RCOR1: variants seen among roughly 807,000 people sequenced by gnomAD.
RCOR1 encodes REST corepressor.
RCOR1 carries 12 observed loss-of-function variants against 64.0 expected under a neutral mutation model. The ratio of observed to expected loss-of-function variants is 0.19; its 90% CI spans 0.12 to 0.30. The LOEUF (loss-of-function observed/expected upper bound fraction) is 0.30, where lower values mean the gene tolerates loss of function less well. Ranked by LOEUF, RCOR1 falls within the 10% of genes least tolerant of loss-of-function variation. The probability of loss-of-function intolerance (pLI) is 1.00; values close to 1 mark genes in which losing one functional copy is unlikely to be tolerated. For synonymous variants in RCOR1, 279 were observed against 227.2 expected (o/e 1.23, Z -2.05); for missense variants, 502 against 621.2 (o/e 0.81, Z 2.04).
At chr14:102,717,086 T>C (rs181410210) in intron 8 of RCOR1, among the ~76,000 whole-genome samples, 158 of 152,354 alleles carry the variant, frequency 1.0e-3, no homozygotes, top group Middle Eastern at 6.8e-3. Flanking sequence ...GTAAAGGATA[T>C]TGTTTTTTAA....
intron 2 of RCOR1, among the ~76,000 whole-genome samples, chr14:102,680,182 T>A (rs1048191888): frequency 3.3e-5 from 5 of 152,212 alleles, no homozygotes; most frequent in Middle Eastern, 3.4e-3. Context: ...ATTTTTTTTT[T>A]ATTGCTGGTA....
chr14:102,656,584 C>A lies in RCOR1; in HGVS notation c.362-25311C>A, dbSNP rs758511431. Among the ~76,000 whole-genome samples the A allele has an allele frequency of 5.3e-5, 8 of 151,992 alleles. No homozygotes were observed. The East Asian group carries it at 1.5e-3, about 29-fold the overall frequency. On this transcript the variant is annotated intron_variant, in intron 2 of 11. Transcript: ENST00000262241. ...CTGGGTTCAAGCAATTCTCCTGTTC[C>A]AGCCTCCTAGGTAACTGGGACTGCA...
intron 2 of RCOR1, among the ~76,000 whole-genome samples, chr14:102,601,688 C>T (rs1368596863): frequency 2.7e-4 from 41 of 152,134 alleles, no homozygotes; most frequent in Admixed American, 2.6e-3. Flanking sequence ...CAGGAATGGT[C>T]CTTCTTTGTG....
intron 3 of RCOR1, among the ~76,000 whole-genome samples, chr14:102,683,911 C>T (rs1009146435): frequency 6.6e-6 from 1 of 152,216 alleles, no homozygotes; most frequent in Non-Finnish European, 1.5e-5. Context: ...CACCCTCCTG[C>T]TGTGGAGCAG....
At chr14:102,614,760 T>C (rs1330236198) in intron 2 of RCOR1, among the ~76,000 whole-genome samples, 2 of 152,106 alleles carry the variant, frequency 1.3e-5, no homozygotes, top group African/African-American at 4.8e-5. Context: ...TTATCCAGTT[T>C]GGTGTATAAA....
At chr14:102,677,936 C>T (rs1277683239) in intron 2 of RCOR1, among the ~76,000 whole-genome samples, 10 of 151,608 alleles carry the variant, frequency 6.6e-5, no homozygotes, top group South Asian at 4.3e-4. Flanking sequence ...AACGAGACTC[C>T]GTCTGCAATC....
In RCOR1 at chr14:102,708,581, G is replaced by A. The variant is rs769041099; in HGVS notation, c.777G>A (p.Glu259=). 6.3e-7 allele frequency: 1 copy of A among 1,575,972 alleles called. No individual in the cohort carries two copies. Among genetic ancestry groups the A allele is most frequent in the Non-Finnish European group, 8.7e-7 (1 of 1,145,400 alleles). The change falls in exon 6 of 12, where the codon GAG becomes GAA. Residue 259 remains glutamate, a splice_region_variant and synonymous_variant. Transcript: ENST00000262241. ...GGAAACAAAAACGGGAGCGGGAGGAGAGGTGAGCACATGGCTGGGGTGTTG... is the reference window on the plus strand; with the variant it reads ...GGAAACAAAAACGGGAGCGGGAGGAAAGGTGAGCACATGGCTGGGGTGTTG... ...HARKQKRERE[E]SEDELEEANG...
intron 2 of RCOR1, among the ~76,000 whole-genome samples, chr14:102,626,326 C>G (rs1314308457): frequency 6.6e-6 from 1 of 152,136 alleles, no homozygotes; most frequent in Non-Finnish European, 1.5e-5. Flanking sequence ...TAATACTTTA[C>G]TTGAAGTTAG....
At chr14:102,634,768 C>T (rs1455677334) in intron 2 of RCOR1, among the ~76,000 whole-genome samples, 1 of 151,712 alleles carries the variant, frequency 6.6e-6, no homozygotes, top group Admixed American at 6.6e-5. Flanking sequence ...GCGATCTCGA[C>T]TCACGACAAC....
At chr14:102,714,914 A>C (rs1281931795) in intron 8 of RCOR1, among the ~76,000 whole-genome samples, 1 of 152,128 alleles carries the variant, frequency 6.6e-6, no homozygotes, top group Non-Finnish European at 1.5e-5. Flanking sequence ...CAATATGAAC[A>C]TACCCTAGTA....
chr14:102,681,482 ATAGT>A (rs199709845), intron 2 of RCOR1, among the ~76,000 whole-genome samples: 4,072 of 152,352 alleles, frequency 0.027, 72 homozygotes, highest in Non-Finnish European at 0.042. Flanking sequence ...AACTTTTTAA[ATAGT>A]TATTCTTTAA....
In RCOR1 at chr14:102,675,862, A is replaced by C. The variant is rs117761788; in HGVS notation, c.362-6033A>C. 6.0e-4 allele frequency among the ~76,000 whole-genome samples: 92 copies of C among 152,212 alleles called. No individual in the cohort carries two copies. In the East Asian group the frequency reaches 0.012, roughly 20 times the overall value. On this transcript the variant is annotated intron_variant, in intron 2 of 11. Transcript: ENST00000262241. ...TTTGCCTTTTTCAGAGTGTCGTATG[A>C]ATGAACTTGTACTGGCTTCTTTCAC...
intron 6 of RCOR1, among the ~76,000 whole-genome samples, chr14:102,709,481 C>T (rs750804571): frequency 1.3e-5 from 2 of 152,056 alleles, no homozygotes; most frequent in Admixed American, 6.6e-5. Context: ...ATATGGTCCC[C>T]GGTGTCCCAT....
intron 2 of RCOR1, among the ~76,000 whole-genome samples, chr14:102,613,671 C>T (rs1159535460): frequency 2.6e-5 from 4 of 151,130 alleles, no homozygotes; most frequent in African/African-American, 4.9e-5. Flanking sequence ...CCGCCCGCCT[C>T]GGCCTCCCAA....
intron 2 of RCOR1, among the ~76,000 whole-genome samples, chr14:102,600,865 C>T (rs925375101): frequency 6.6e-5 from 10 of 150,892 alleles, no homozygotes; most frequent in South Asian, 2.1e-4. Flanking sequence ...CCACCGCGCC[C>T]GGCTGCTAAT....
chr14:102,673,876 A>C (rs888063547), intron 2 of RCOR1, among the ~76,000 whole-genome samples: 1 of 152,198 alleles, frequency 6.6e-6, no homozygotes, highest in African/African-American at 2.4e-5. Context: ...CCGCCTCGCC[A>C]AGTGCTGGGA....
At chr14:102,599,905 G>A (rs1422978950) in intron 2 of RCOR1, among the ~76,000 whole-genome samples, 3 of 150,670 alleles carry the variant, frequency 2.0e-5, no homozygotes, top group Non-Finnish European at 4.4e-5. Context: ...CCAGACTCAA[G>A]TGATCCTCCC....
chr14:102,714,987 A>G (rs1175661837), intron 8 of RCOR1, among the ~76,000 whole-genome samples: 1 of 152,022 alleles, frequency 6.6e-6, no homozygotes, highest in African/African-American at 2.4e-5. Context: ...CCTCCTGGTC[A>G]CTATTCCATG....
intron 2 of RCOR1, among the ~76,000 whole-genome samples, chr14:102,595,182 C>T (rs1354749669): frequency 1.3e-5 from 2 of 152,186 alleles, no homozygotes; most frequent in African/African-American, 2.4e-5. Flanking sequence ...TGAGCATAAA[C>T]TTGCTAGTGA....
Sources: allele counts gnomAD v4.1 joint callset (sites outside exome capture counted in the v4.1 genomes callset), GRCh38; gene constraint gnomAD v4.1.1; transcripts MANE v1.5; gene names NCBI Gene and HGNC (gene_info 2026-07-23, HGNC 2026-07-21).